ITSN1: variants seen among roughly 807,000 people sequenced by gnomAD.
The protein encoded by ITSN1 is intersectin-1.
In ITSN1, 58 loss-of-function variants were observed where a neutral mutation model predicts 239.8. The observed-to-expected ratio is 0.24, with a 90% CI of 0.20 to 0.30. The LOEUF is 0.30. Among genes scored for constraint, ITSN1 ranks in the 10% least tolerant of loss-of-function variants. The probability of loss-of-function intolerance (pLI) is 1.00; values close to 1 mark genes in which losing one functional copy is unlikely to be tolerated. For synonymous variants in ITSN1, 780 were observed against 770.8 expected (o/e 1.01, Z -0.20); for missense variants, 1,558 against 2,103.3 (o/e 0.74, Z 5.07).
chr21:33,778,475 T>TA (rs1187661456), intron 14 of ITSN1, among the ~76,000 whole-genome samples: 2 of 152,042 alleles, frequency 1.3e-5, no homozygotes, highest in Non-Finnish European at 2.9e-5. Context: ...CTGATTTTCT[T>TA]CTTCTCCTTG....
intron 31 of ITSN1, among the ~76,000 whole-genome samples, chr21:33,861,800 G>C (rs1980583963): frequency 1.3e-5 from 2 of 151,862 alleles, no homozygotes; most frequent in South Asian, 4.2e-4. Context: ...CAAAAAAATA[G>C]CCAGGCGTGG....
intron 29 of ITSN1, chr21:33,837,009 C>T: frequency 1.2e-6 from 2 of 1,613,420 alleles, no homozygotes; most frequent in East Asian, 2.2e-5. Flanking sequence ...GTCCATCCCC[C>T]CCTCAGGCTT....
At chr21:33,658,331 A>C (rs1001323410) in intron 1 of ITSN1, among the ~76,000 whole-genome samples, 7 of 152,130 alleles carry the variant, frequency 4.6e-5, no homozygotes, top group Non-Finnish European at 7.4e-5. Flanking sequence ...GTGGACCCAC[A>C]CAGTTAAAAC....
chr21:33,694,310 T>A (rs2091694397), intron 1 of ITSN1, among the ~76,000 whole-genome samples: 1 of 152,266 alleles, frequency 6.6e-6, no homozygotes, highest in Non-Finnish European at 1.5e-5. Context: ...ATTACAGATG[T>A]GAACCACCAT....
At chr21:33,719,712 A>G (rs2065372732) in intron 2 of ITSN1, among the ~76,000 whole-genome samples, 1 of 152,112 alleles carries the variant, frequency 6.6e-6, no homozygotes, top group Admixed American at 6.6e-5. Context: ...ACACTTTTTC[A>G]AAGCCTGGAT....
At chr21:33,800,989 T>G (rs1278227157) in intron 19 of ITSN1, among the ~76,000 whole-genome samples, 1 of 150,696 alleles carries the variant, frequency 6.6e-6, no homozygotes, top group Non-Finnish European at 1.5e-5. Flanking sequence ...TCCCACCTCA[T>G]CCTCCCAACT....
intron 22 of ITSN1, chr21:33,817,268 A>G: frequency 7.7e-7 from 1 of 1,304,308 alleles, no homozygotes; most frequent in East Asian, 5.5e-5. Context: ...AGACTAGGCC[A>G]CATGCAGCCC....
chr21:33,652,433 C>G (rs371399842), intron 1 of ITSN1, among the ~76,000 whole-genome samples: 3 of 152,204 alleles, frequency 2.0e-5, no homozygotes, highest in East Asian at 1.9e-4. Flanking sequence ...AGTTTTGTAG[C>G]CTGTGTTTTT....
intron 1 of ITSN1, among the ~76,000 whole-genome samples, chr21:33,673,594 C>T (rs977538125): frequency 2.6e-5 from 4 of 151,126 alleles, no homozygotes; most frequent in East Asian, 1.9e-4. Flanking sequence ...CTCAAACCTT[C>T]GGTTTTCTTA....
At position 33,743,101 on chromosome 21, in the gene ITSN1, C is replaced by T. The variant is rs1323705007; in HGVS notation, c.347-7042C>T. On this transcript the variant is annotated intron_variant, in intron 5 of 39. Coordinates refer to ENST00000381318, the MANE Select transcript of ITSN1 (RefSeq NM_003024.3). The stretch of plus-strand genomic sequence containing the variant: ...AAAATTCATTCTAGAAATGAGGATG[C>T]AACTAGAAGCAACACAGGGGATACT... 2.6e-5 allele frequency among the ~76,000 whole-genome samples: 4 copies of T among 151,938 alleles called. No individual in the cohort carries two copies. The East Asian group carries it at 7.7e-4, about 29-fold the overall frequency.
At chr21:33,858,237 G>T (rs1979741727) in intron 30 of ITSN1, among the ~76,000 whole-genome samples, 1 of 152,200 alleles carries the variant, frequency 6.6e-6, no homozygotes, top group Non-Finnish European at 1.5e-5. Context: ...TATTAGAGGA[G>T]CTGCCGCCTG....
In ITSN1 at chr21:33,891,470, AG is replaced by A. The variant is rs1412145141; in HGVS notation, c.*3171del. The A allele has an allele frequency of 6.6e-6, 1 of 151,806 alleles. No individual in the cohort carries two copies. Among genetic ancestry groups the A allele is most frequent in the African/African-American group, 2.4e-5 (1 of 41,320 alleles). 9.4% of individuals were successfully genotyped at this position (151,806 alleles called of 1,614,324 possible). On this transcript the variant is annotated 3_prime_UTR_variant, in exon 40 of 40. Transcript: ENST00000381318. ...ATTTAACTGGGGAAAAAATCCCATC[AG>A]ACTATGAGTAAATTGACCACCCACA...
intron 5 of ITSN1, among the ~76,000 whole-genome samples, chr21:33,745,453 A>G (rs1366755252): frequency 6.6e-6 from 1 of 152,220 alleles, no homozygotes; most frequent in Non-Finnish European, 1.5e-5. Context: ...AATTGACAGA[A>G]TAACCATTTC....
intron 1 of ITSN1, among the ~76,000 whole-genome samples, chr21:33,673,053 T>A (rs776559865): frequency 1.3e-5 from 2 of 152,114 alleles, no homozygotes; most frequent in Non-Finnish European, 2.9e-5. Flanking sequence ...AAAAATAAAT[T>A]GGGGCATATA....
intron 29 of ITSN1, chr21:33,837,601 G>A (rs1029934811): frequency 1.3e-4 from 128 of 985,772 alleles, no homozygotes; most frequent in Non-Finnish European, 1.4e-4. Context: ...CAATTAAAGC[G>A]AAGGTGTTTG....
intron 1 of ITSN1, among the ~76,000 whole-genome samples, chr21:33,683,567 C>T (rs796295305): frequency 7.2e-5 from 11 of 152,196 alleles, no homozygotes; most frequent in African/African-American, 2.6e-4. Flanking sequence ...GAAATCCACC[C>T]TGCTGAGGTG....
intron 2 of ITSN1, among the ~76,000 whole-genome samples, chr21:33,720,950 T>G (rs937962942): frequency 2.0e-5 from 3 of 152,212 alleles, no homozygotes; most frequent in African/African-American, 7.2e-5. Context: ...TGTGTGCCTC[T>G]TCTTTTCTTT....
chr21:33,708,031 C>G (rs1434529028), intron 1 of ITSN1, among the ~76,000 whole-genome samples: 1 of 152,104 alleles, frequency 6.6e-6, no homozygotes, highest in Non-Finnish European at 1.5e-5. Context: ...ACATCCTCAC[C>G]AACACTAGAT....
intron 5 of ITSN1, among the ~76,000 whole-genome samples, chr21:33,743,364 G>A (rs1055327537): frequency 6.6e-6 from 1 of 152,192 alleles, no homozygotes; most frequent in Non-Finnish European, 1.5e-5. Flanking sequence ...TACTTTGGAG[G>A]CTGAGGCATG....
Sources: gnomAD v4.1 joint callset for allele counts (sites outside exome capture counted in the v4.1 genomes callset) on GRCh38, gnomAD v4.1.1 for gene constraint, MANE v1.5 for transcripts, NCBI Gene and HGNC (gene_info 2026-07-23, HGNC 2026-07-21) for gene names.